Variants in PTP4A1 observed in about 807,000 individuals in gnomAD.
The protein encoded by PTP4A1 is protein tyrosine phosphatase type IVA 1.
A neutral mutation model predicts 20.5 loss-of-function variants in PTP4A1; 9 were observed. The observed-to-expected ratio is 0.44, with a 90% confidence interval of 0.26 to 0.77. PTP4A1 has a LOEUF of 0.77. Among genes scored for constraint, PTP4A1 ranks in the 30% least tolerant of loss-of-function variants. PTP4A1 has a pLI of 0.19. For missense variants in PTP4A1, 137 were observed against 218.8 expected, an observed-to-expected ratio of 0.63 and a Z score of 2.36; for synonymous variants, 78 against 67.4, an observed-to-expected ratio of 1.16 and a Z score of -0.77.
chr6:63,554,034 CT>C (rs1776562344), intron 3 of PTP4A1, among the ~76,000 whole-genome samples: 1 of 152,048 alleles, frequency 6.6e-6, no homozygotes, highest in South Asian at 2.1e-4. Context: ...TAGACATTGA[CT>C]ATATCTGAGG....
At chr6:63,523,304 G>A (rs1042124551) in intron 1 of PTP4A1, among the ~76,000 whole-genome samples, 23 of 151,874 alleles carry the variant, frequency 1.5e-4, no homozygotes, top group Admixed American at 1.3e-3. Flanking sequence ...AAATGAAGGC[G>A]GGCAGATCAC....
intron 2 of PTP4A1, chr6:63,549,555 C>A: frequency 3.3e-6 from 2 of 606,432 alleles, no homozygotes; most frequent in Non-Finnish European, 5.8e-6. Context: ...TAAATGTTGA[C>A]AAGATTTGAA....
intron 2 of PTP4A1, among the ~76,000 whole-genome samples, chr6:63,539,594 G>A (rs1177355443): frequency 2.0e-5 from 3 of 152,084 alleles, no homozygotes; most frequent in Admixed American, 6.6e-5. Context: ...TGGCCAACAT[G>A]GTGAAACCCC....
At position 63,578,528 on chromosome 6, in the gene PTP4A1, T is replaced by C; in HGVS notation, c.197T>C (p.Leu66Pro). 1 of 1,610,816 alleles carries C rather than the reference T, an allele frequency of 6.2e-7. No homozygotes were observed. The highest frequency in any genetic ancestry group is 8.5e-7 in the Non-Finnish European group (1 of 1,178,984). The change falls in exon 3 of 6, where the codon CTT (leucine) becomes CCT (proline). Residue 66 changes from leucine (L) to proline (P), a missense_variant and splice_region_variant. Physicochemically the swap from Leu to Pro is moderately conservative, Grantham distance 98. Transcript: ENST00000626021. The part of the protein sequence containing the change: ...TLVEKEGIHV[L>P]DWPFDDGAPP... ...GTGGAGAAAGAAGGTATCCATGTTC[T>C]TGTAAGTATTTAACAGTTCTTATGG...
intron 5 of PTP4A1, 47 bp downstream of exon 5, chr6:63,579,378 G>A (rs761238701): frequency 6.9e-7 from 1 of 1,445,066 alleles, no homozygotes; most frequent in Admixed American, 1.9e-5. Context: ...TCATTTCCTT[G>A]TTGAGTGTCA....
rs148008064 is a variant in PTP4A1 at position 63,578,524 on chromosome 6, G to A, written c.193G>A (p.Val65Ile). 1 of 1,610,812 alleles carries A rather than the reference G, an allele frequency of 6.2e-7. No individual in the cohort carries two copies. Reference protein sequence around the residue: ...TTLVEKEGIHVLDWPFDDGAP... With the variant: ...TTLVEKEGIHILDWPFDDGAP... ...TCTTGTGGAGAAAGAAGGTATCCAT[G>A]TTCTTGTAAGTATTTAACAGTTCTT... The change falls in exon 3 of 6, where the codon GTT becomes ATT. Residue 65 changes from valine to isoleucine, a missense_variant. Val to Ile is a conservative substitution (Grantham distance 29, BLOSUM62 3). Transcript: ENST00000626021.
In PTP4A1 at chr6:63,581,449, TATC is replaced by T. The variant is rs1778216970; in HGVS notation, c.*1281_*1283del. Reference sequence around the variant, plus strand: ...ATCTAAATAAATAATGACATGCATTTATCATCATTGAGATTGGTTTGCTTAAAA... The same window carrying T: ...ATCTAAATAAATAATGACATGCATTTATCATTGAGATTGGTTTGCTTAAAA... On this transcript the variant is annotated 3_prime_UTR_variant, in exon 6 of 6. Coordinates refer to ENST00000626021, the MANE Select transcript of PTP4A1 (RefSeq NM_003463.5). 6.5e-6 allele frequency: 1 copy of T among 152,728 alleles called. No individual in the cohort carries two copies. The highest frequency in any genetic ancestry group is 6.5e-5 in the Admixed American group (1 of 15,288). The allele number at this position is 152,728 out of a possible 1,614,324, so 9.5% of individuals were successfully genotyped here. A position where few individuals can be genotyped will look rare whatever the true frequency, so the allele number is the denominator to read the frequency against.
At chr6:63,532,828 G>A (rs968979809) in intron 2 of PTP4A1, among the ~76,000 whole-genome samples, 1 of 151,652 alleles carries the variant, frequency 6.6e-6, no homozygotes, top group East Asian at 1.9e-4. Flanking sequence ...AAAAAATATC[G>A]TCTGGAAAAA....
At chr6:63,528,095 C>T (rs1775265693) in intron 2 of PTP4A1, 1 of 152,180 alleles carries the variant, frequency 6.6e-6, no homozygotes, top group Admixed American at 6.5e-5. Context: ...GTAAGTGTGA[C>T]TTCCTCACTT....
At chr6:63,528,295 C>T (rs187221364) in intron 2 of PTP4A1, among the ~76,000 whole-genome samples, 15 of 152,306 alleles carry the variant, frequency 9.8e-5, no homozygotes, top group African/African-American at 3.4e-4. Flanking sequence ...TCCCATTGGG[C>T]TGTTTGAAGA....
At chr6:63,518,678 C>G (rs1384419648), upstream of PTP4A1, among the ~76,000 whole-genome samples, 1 of 152,186 alleles carries the variant, frequency 6.6e-6, no homozygotes, top group Non-Finnish European at 1.5e-5. Flanking sequence ...TTCTTTCTAG[C>G]AAGCCATTCA....
At position 63,580,282 on chromosome 6, in the gene PTP4A1, A is replaced by G; in HGVS notation, c.*108A>G. 1 of 899,410 alleles carries G rather than the reference A, an allele frequency of 1.1e-6. No homozygotes were observed. The highest frequency in any genetic ancestry group is 1.7e-6 in the Non-Finnish European group (1 of 575,746). The allele number at this position is 899,410 out of a possible 1,614,324, so 55.7% of individuals were successfully genotyped here. On this transcript the variant is annotated 3_prime_UTR_variant, in exon 6 of 6. Coordinates refer to ENST00000626021, the MANE Select transcript of PTP4A1 (RefSeq NM_003463.5). ...GTAAGTCTAATGAAGCTTCCATAGG[A>G]GTATTGAAAGGCAGTTTTACCAGGC...
chr6:63,569,124 G>C (rs1777306228), upstream of PTP4A1, among the ~76,000 whole-genome samples: 1 of 152,120 alleles, frequency 6.6e-6, no homozygotes, highest in Middle Eastern at 3.4e-3. Flanking sequence ...TTGTAAACTT[G>C]GTAAAATGGA....
chr6:63,529,740 A>G (rs1352598198), intron 2 of PTP4A1, among the ~76,000 whole-genome samples: 1 of 152,168 alleles, frequency 6.6e-6, no homozygotes, highest in Non-Finnish European at 1.5e-5. Context: ...ACAGTTCATC[A>G]TCCTATCAGC....
chr6:63,566,182 T>C (rs1777182487), intron 3 of PTP4A1, among the ~76,000 whole-genome samples: 1 of 152,210 alleles, frequency 6.6e-6, no homozygotes, highest in Admixed American at 6.5e-5. Flanking sequence ...CCCAAACCAT[T>C]TGAAGACAGG....
At chr6:63,523,498 G>A in intron 1 of PTP4A1, among the ~76,000 whole-genome samples, 1 of 152,044 alleles carries the variant, frequency 6.6e-6, no homozygotes, top group Non-Finnish European at 1.5e-5. Context: ...GCAACAGAGT[G>A]AGACTCCATC....
chr6:63,576,194 T>C (rs978013121), intron 1 of PTP4A1, among the ~76,000 whole-genome samples: 15 of 151,656 alleles, frequency 9.9e-5, no homozygotes, highest in Non-Finnish European at 1.3e-4. Flanking sequence ...GGTTTTTTTT[T>C]CTGAGGAATC....
At chr6:63,578,623 A>G in intron 3 of PTP4A1, 94 bp downstream of exon 3, 5 of 1,469,546 alleles carry the variant, frequency 3.4e-6, no homozygotes, top group Non-Finnish European at 4.5e-6. Context: ...TAAGTCATAA[A>G]TAGACCTCAA....
chr6:63,537,393 T>C (rs1775772791), intron 2 of PTP4A1, among the ~76,000 whole-genome samples: 2 of 152,180 alleles, frequency 1.3e-5, no homozygotes, highest in African/African-American at 4.8e-5. Flanking sequence ...ACCATATTAG[T>C]AACACCTGGG....
Sources: gnomAD v4.1 joint callset for allele counts (sites outside exome capture counted in the v4.1 genomes callset) on GRCh38, gnomAD v4.1.1 for gene constraint, MANE v1.5 for transcripts, NCBI Gene and HGNC (gene_info 2026-07-23, HGNC 2026-07-21) for gene names.